The following CSMD1 variants were observed in gnomAD, a reference collection of about 807,000 sequenced individuals.
CSMD1 encodes CUB and Sushi multiple domains 1.
A neutral mutation model predicts 417.5 loss-of-function variants in CSMD1; 213 were observed. The observed-to-expected ratio is 0.51, with a 90% CI of 0.46 to 0.57. The LOEUF (loss-of-function observed/expected upper bound fraction) is 0.57. Ranked by LOEUF, CSMD1 falls within the 20% of genes least tolerant of loss-of-function variation. The probability of loss-of-function intolerance (pLI) is 0.00; values close to 1 mark genes in which losing one functional copy is unlikely to be tolerated. For missense variants in CSMD1, 6,923 were observed against 4,529.7 expected, an observed-to-expected ratio of 1.53 and a Z score of -15.17; for synonymous variants, 2,862 against 1,736.8, an observed-to-expected ratio of 1.65 and a Z score of -16.11.
intron 7 of CSMD1, among the ~76,000 whole-genome samples, chr8:3,694,284 C>G (rs1406812581): frequency 6.6e-6 from 1 of 152,016 alleles, no homozygotes; most frequent in Non-Finnish European, 1.5e-5. Context: ...GGGTCCACAC[C>G]TCACTTCCTA....
chr8:3,716,432 G>C (rs919750028), intron 6 of CSMD1, among the ~76,000 whole-genome samples: 1 of 152,198 alleles, frequency 6.6e-6, no homozygotes, highest in African/African-American at 2.4e-5. Flanking sequence ...ACAAGGGGTG[G>C]ATTATTCATG....
intron 1 of CSMD1, among the ~76,000 whole-genome samples, chr8:4,746,300 G>A (rs530818926): frequency 4.4e-4 from 67 of 152,236 alleles, no homozygotes; most frequent in African/African-American, 1.5e-3. Flanking sequence ...TGCCCTTTTT[G>A]AAAGAATTCA....
chr8:3,685,044 C>T (rs557778382), intron 7 of CSMD1, among the ~76,000 whole-genome samples: 3 of 152,100 alleles, frequency 2.0e-5, no homozygotes, highest in African/African-American at 7.2e-5. Context: ...ATCATCCAAG[C>T]CCAGTTTTTG....
At chr8:3,598,322 T>G (rs78875163) in intron 8 of CSMD1, 1 of 152,192 alleles carries the variant, frequency 6.6e-6, no homozygotes, top group Non-Finnish European at 1.5e-5. Flanking sequence ...CTCTATGTAG[T>G]TATGCATTTG....
chr8:3,538,448 GCACCTGAGATGCCTCACCTAAGATGATA>G (rs1361512640), intron 10 of CSMD1, among the ~76,000 whole-genome samples: 6 of 151,452 alleles, frequency 4.0e-5, no homozygotes, highest in Admixed American at 1.3e-4. Flanking sequence ...CTGAGATGAT[GCACCTGAGATGCCTCACCTAAGATGATA>G]CACCTGAGAT....
intron 26 of CSMD1, among the ~76,000 whole-genome samples, chr8:3,281,696 G>C (rs777539722): frequency 6.6e-6 from 1 of 152,170 alleles, no homozygotes; most frequent in Non-Finnish European, 1.5e-5. Context: ...TGAACAGGCA[G>C]AACACAGGGA....
At chr8:3,692,476 C>G (rs35903642) in intron 7 of CSMD1, among the ~76,000 whole-genome samples, 1 of 150,816 alleles carries the variant, frequency 6.6e-6, no homozygotes, top group East Asian at 1.9e-4. Flanking sequence ...GAGTCTCCCT[C>G]TGTCACCCAG....
At chr8:3,883,649 T>C (rs1361377040) in intron 5 of CSMD1, among the ~76,000 whole-genome samples, 1 of 152,168 alleles carries the variant, frequency 6.6e-6, no homozygotes, top group Non-Finnish European at 1.5e-5. Flanking sequence ...TATCAATTAC[T>C]GATATTATTA....
intron 10 of CSMD1, among the ~76,000 whole-genome samples, chr8:3,530,734 G>A (rs917864233): frequency 6.6e-6 from 1 of 152,000 alleles, no homozygotes; most frequent in African/African-American, 2.4e-5. Context: ...TCACCATGTT[G>A]GCCAGGCTGG....
At chr8:4,048,576 T>C (rs905993488) in intron 3 of CSMD1, among the ~76,000 whole-genome samples, 1 of 152,204 alleles carries the variant, frequency 6.6e-6, no homozygotes, top group East Asian at 1.9e-4. Context: ...CCTGAGGTGG[T>C]GTGGCTCCAG....
At chr8:4,629,693 T>C (rs2130838313) in intron 2 of CSMD1, among the ~76,000 whole-genome samples, 1 of 152,346 alleles carries the variant, frequency 6.6e-6, no homozygotes, top group Middle Eastern at 3.4e-3. Context: ...TCCATATTAA[T>C]ATTTACATTG....
chr8:4,130,257 A>G (rs1803016878), intron 3 of CSMD1, among the ~76,000 whole-genome samples: 1 of 152,110 alleles, frequency 6.6e-6, no homozygotes, highest in Non-Finnish European at 1.5e-5. Context: ...AGAGCCAAGG[A>G]TGTCTATATT....
At position 4,515,391 on chromosome 8, in the gene CSMD1, G is replaced by A. The variant is rs1030164146; in HGVS notation, c.303-95326C>T. 2.6e-5 allele frequency among the ~76,000 whole-genome samples: 4 copies of A among 152,234 alleles called. No homozygotes were observed. The East Asian group carries it at 5.8e-4, about 22-fold the overall frequency. Reference sequence around the variant, plus strand: ...TGGAGAGAGATGTTAAATGTTATGGGACCCATGAAGAGGCGTCTTTGTCTG... The same window carrying A: ...TGGAGAGAGATGTTAAATGTTATGGAACCCATGAAGAGGCGTCTTTGTCTG... On this transcript the variant is annotated intron_variant, in intron 2 of 69. Coordinates refer to ENST00000635120, the MANE Select transcript of CSMD1 (RefSeq NM_033225.6).
At chr8:4,106,287 G>A (rs1336830418) in intron 3 of CSMD1, among the ~76,000 whole-genome samples, 1 of 152,148 alleles carries the variant, frequency 6.6e-6, no homozygotes, top group Non-Finnish European at 1.5e-5. Flanking sequence ...TTCTGTGGGT[G>A]GGAAAATACG....
rs183170105 is a variant in CSMD1, at chr8:4,149,792, G to C, written c.416-117693C>G. On this transcript the variant is annotated intron_variant, in intron 3 of 69. Coordinates refer to ENST00000635120, the MANE Select transcript of CSMD1 (RefSeq NM_033225.6). Reference sequence around the variant, plus strand: ...ATGTGTCGTAGTTGCTTCAGGGAAGGTCACTTGAGAATTTCCTATTAAAAT... The same window carrying C: ...ATGTGTCGTAGTTGCTTCAGGGAAGCTCACTTGAGAATTTCCTATTAAAAT... Among the ~76,000 whole-genome samples the C allele has an allele frequency of 6.1e-4, 93 of 152,278 alleles. No individual in the cohort carries two copies. In the East Asian group the frequency reaches 0.01, roughly 17 times the overall value.
intron 47 of CSMD1, among the ~76,000 whole-genome samples, chr8:3,096,641 T>C (rs564091859): frequency 1.3e-5 from 2 of 152,322 alleles, no homozygotes; most frequent in South Asian, 2.1e-4. Flanking sequence ...AATGGACTAA[T>C]ACAGTACAAC....
rs542583671 is a variant in CSMD1 at position 4,516,446 on chromosome 8, G to T, written c.303-96381C>A. ...CATGGAAGGCCTCTGCCCCAGAGAC[G>T]CCTCACCCTCCAGGCTGCTGAGAGA... On this transcript the variant is annotated intron_variant, in intron 2 of 69. Coordinates refer to ENST00000635120, the MANE Select transcript of CSMD1 (RefSeq NM_033225.6). Among the ~76,000 whole-genome samples the T allele has an allele frequency of 2.3e-3, 345 of 152,218 alleles. 1 individual carries two copies. The highest frequency in any genetic ancestry group is 0.01 in the Middle Eastern group (3 of 294).
chr8:4,033,676 G>C (rs1028388180), intron 3 of CSMD1, among the ~76,000 whole-genome samples: 37 of 152,232 alleles, frequency 2.4e-4, no homozygotes, highest in Middle Eastern at 3.4e-3. Flanking sequence ...CTCGTATTTG[G>C]CTCAGAATAA....
chr8:4,873,520 G>C (rs755846953), intron 1 of CSMD1, among the ~76,000 whole-genome samples: 2 of 152,070 alleles, frequency 1.3e-5, no homozygotes, highest in African/African-American at 2.4e-5. Flanking sequence ...GCTTCAACTT[G>C]TGTGTAGTAT....
Sources: allele counts gnomAD v4.1 joint callset (sites outside exome capture counted in the v4.1 genomes callset), GRCh38; gene constraint gnomAD v4.1.1; transcripts MANE v1.5; gene names NCBI Gene and HGNC (gene_info 2026-07-23, HGNC 2026-07-21).